Variants in CMTM8 observed in about 807,000 individuals in gnomAD.
CMTM8 encodes CKLF like MARVEL transmembrane domain containing 8.
A neutral mutation model predicts 18.6 loss-of-function variants in CMTM8; 12 were observed. The ratio of observed to expected loss-of-function variants is 0.65; its 90% confidence interval spans 0.41 to 1.05. The LOEUF (loss-of-function observed/expected upper bound fraction) is 1.05. Among genes scored for constraint, CMTM8 ranks in the 50% least tolerant of loss-of-function variants. The pLI is 0.00. For missense variants in CMTM8, 217 were observed against 227.2 expected, an observed-to-expected ratio of 0.95 and a Z score of 0.29; for synonymous variants, 87 against 90.6, an observed-to-expected ratio of 0.96 and a Z score of 0.23.
At chr3:32,310,378 A>G (rs1005478566) in intron 1 of CMTM8, among the ~76,000 whole-genome samples, 1 of 152,172 alleles carries the variant, frequency 6.6e-6, no homozygotes, top group African/African-American at 2.4e-5. Flanking sequence ...AATATACCTG[A>G]GCTGTAGATA....
intron 1 of CMTM8, among the ~76,000 whole-genome samples, chr3:32,348,700 C>T (rs1696649055): frequency 2.0e-5 from 3 of 151,640 alleles, no homozygotes; most frequent in Admixed American, 1.3e-4. Flanking sequence ...GGGGTTTTGC[C>T]ATGTTACCCA....
At chr3:32,338,814 C>T (rs910242135) in intron 1 of CMTM8, among the ~76,000 whole-genome samples, 8 of 152,186 alleles carry the variant, frequency 5.3e-5, no homozygotes, top group Admixed American at 1.3e-4. Context: ...TCAGGATCAA[C>T]GTGGCTGAGC....
At chr3:32,361,228 G>A (rs922444603) in intron 2 of CMTM8, among the ~76,000 whole-genome samples, 4 of 148,468 alleles carry the variant, frequency 2.7e-5, no homozygotes, top group Non-Finnish European at 5.9e-5. Flanking sequence ...TGATCCACCC[G>A]CCTCGGTCTC....
chr3:32,354,297 G>A (rs992254004), intron 1 of CMTM8, among the ~76,000 whole-genome samples: 8 of 152,252 alleles, frequency 5.3e-5, no homozygotes, highest in Middle Eastern at 3.4e-3. Context: ...ATCAGTAGTG[G>A]TTATAGTGGA....
chr3:32,240,920 T>G (rs1217656488), intron 1 of CMTM8, among the ~76,000 whole-genome samples: 1 of 152,148 alleles, frequency 6.6e-6, no homozygotes, highest in African/African-American at 2.4e-5. Flanking sequence ...CCCAAGTAGC[T>G]GAGACCACAG....
At chr3:32,288,641 C>T (rs1013708113) in intron 1 of CMTM8, among the ~76,000 whole-genome samples, 3 of 152,118 alleles carry the variant, frequency 2.0e-5, no homozygotes, top group Non-Finnish European at 2.9e-5. Flanking sequence ...GCTAGGACTA[C>T]AGGCGCCCAC....
At chr3:32,312,053 T>G (rs1695828836) in intron 1 of CMTM8, among the ~76,000 whole-genome samples, 2 of 152,334 alleles carry the variant, frequency 1.3e-5, no homozygotes, top group East Asian at 1.9e-4. Flanking sequence ...GGAAGTAACA[T>G]TGATGAGAGA....
At chr3:32,263,377 G>C (rs951556281) in intron 1 of CMTM8, among the ~76,000 whole-genome samples, 1 of 152,220 alleles carries the variant, frequency 6.6e-6, no homozygotes, top group South Asian at 2.1e-4. Flanking sequence ...CAACAGACCT[G>C]CAGCTGAGGG....
intron 1 of CMTM8, among the ~76,000 whole-genome samples, chr3:32,272,586 T>C (rs186703279): frequency 1.3e-5 from 2 of 152,296 alleles, no homozygotes; most frequent in East Asian, 1.9e-4. Flanking sequence ...TAATCTATCA[T>C]TGGATTTTGA....
intron 1 of CMTM8, chr3:32,260,180 G>A: frequency 8.0e-7 from 1 of 1,249,308 alleles, no homozygotes; most frequent in Non-Finnish European, 1.2e-6. Context: ...CCGGAGAGTG[G>A]ATGGCAAAGT....
In CMTM8 at chr3:32,311,148, C is replaced by T. The variant is rs146037597; in HGVS notation, c.148-46225C>T. Reference sequence around the variant, plus strand: ...ACCACAGCCTACAGGCCAGACCCAGCCCATGACGTGTTTTTGTGTGACCCG... The same window carrying T: ...ACCACAGCCTACAGGCCAGACCCAGTCCATGACGTGTTTTTGTGTGACCCG... On this transcript the variant is annotated intron_variant, in intron 1 of 3. Coordinates refer to ENST00000307526, the MANE Select transcript of CMTM8 (RefSeq NM_178868.5). Among the ~76,000 whole-genome samples the T allele has an allele frequency of 2.5e-3, 377 of 152,326 alleles. 2 individuals carry two copies. The highest frequency in any genetic ancestry group is 3.8e-3 in the Non-Finnish European group (260 of 68,028).
chr3:32,316,216 A>C (rs1182818427), intron 1 of CMTM8, among the ~76,000 whole-genome samples: 1 of 151,632 alleles, frequency 6.6e-6, no homozygotes, highest in Non-Finnish European at 1.5e-5. Context: ...TTTAGTAGAG[A>C]CGGGGTTTCA....
chr3:32,349,398 A>C (rs1004923751), intron 1 of CMTM8, among the ~76,000 whole-genome samples: 2 of 152,050 alleles, frequency 1.3e-5, no homozygotes, highest in African/African-American at 4.8e-5. Flanking sequence ...GGGAAAGGTT[A>C]GGGATTGGAC....
At chr3:32,357,685 C>A in intron 2 of CMTM8, 139 bp downstream of exon 2, 1 of 775,738 alleles carries the variant, frequency 1.3e-6, no homozygotes, top group Non-Finnish European at 2.0e-6. Flanking sequence ...AGCAGATAAT[C>A]TCAGCATCAT....
intron 1 of CMTM8, among the ~76,000 whole-genome samples, chr3:32,292,177 C>T (rs1048517646): frequency 1.4e-4 from 22 of 152,222 alleles, no homozygotes; most frequent in African/African-American, 4.3e-4. Context: ...CTTGAGTTTG[C>T]GTGTGGTAGA....
chr3:32,248,845 A>AT (rs1046796580), intron 1 of CMTM8, among the ~76,000 whole-genome samples: 3 of 151,588 alleles, frequency 2.0e-5, no homozygotes, highest in African/African-American at 7.3e-5. Flanking sequence ...TAATTGTTTA[A>AT]TTTTTTGTAG....
intron 3 of CMTM8, among the ~76,000 whole-genome samples, 173 bp from the exon 4 acceptor site, chr3:32,369,710 TA>T (rs1490211647): frequency 2.6e-5 from 4 of 152,200 alleles, no homozygotes; most frequent in African/African-American, 9.6e-5. Context: ...AAAAACAGCA[TA>T]ACCAGAAATC....
At chr3:32,361,089 C>G (rs1696915256) in intron 2 of CMTM8, among the ~76,000 whole-genome samples, 1 of 152,208 alleles carries the variant, frequency 6.6e-6, no homozygotes, top group African/African-American at 2.4e-5. Flanking sequence ...TCAAGCGATT[C>G]TCCTGCCTCA....
rs1031812516 is a variant in CMTM8 at position 32,323,116 on chromosome 3, G to A, written c.148-34257G>A. Among the ~76,000 whole-genome samples the A allele has an allele frequency of 2.0e-5, 3 of 152,184 alleles. No homozygotes were observed. The East Asian group carries it at 5.8e-4, about 29-fold the overall frequency. Reference sequence around the variant, plus strand: ...GGGGAGATGATATTCAGATGCTTTGGTGGCAAGACTAGGAGTGAGTCCTTC... The same window carrying A: ...GGGGAGATGATATTCAGATGCTTTGATGGCAAGACTAGGAGTGAGTCCTTC... On this transcript the variant is annotated intron_variant, in intron 1 of 3. Transcript: ENST00000307526.
Sources: allele counts gnomAD v4.1 joint callset (sites outside exome capture counted in the v4.1 genomes callset), GRCh38; gene constraint gnomAD v4.1.1; transcripts MANE v1.5; gene names NCBI Gene and HGNC (gene_info 2026-07-23, HGNC 2026-07-21).